The following UTRN variants were observed in gnomAD, a reference collection of about 807,000 sequenced individuals.
The protein encoded by UTRN is utrophin.
UTRN carries 283 observed loss-of-function variants against 463.9 expected under a neutral mutation model. The ratio of observed to expected loss-of-function variants is 0.61; its 90% CI spans 0.55 to 0.67. The LOEUF (loss-of-function observed/expected upper bound fraction) is 0.67. Ranked by LOEUF, UTRN falls within the 30% of genes least tolerant of loss-of-function variation. UTRN has a pLI of 0.00. For synonymous variants in UTRN, 1,442 were observed against 1,431.5 expected (o/e 1.01, Z -0.17); for missense variants, 3,922 against 4,084.3 (o/e 0.96, Z 1.08).
intron 8 of UTRN, 86 bp from the exon 9 acceptor site, chr6:144,429,495 G>A (rs1785599477): frequency 1.6e-6 from 2 of 1,266,070 alleles, no homozygotes; most frequent in Admixed American, 2.3e-5. Flanking sequence ...TGGGTACTAA[G>A]GAGAGTTATT....
intron 69 of UTRN, among the ~76,000 whole-genome samples, chr6:144,835,534 T>G (rs1393273771): frequency 2.0e-5 from 3 of 152,204 alleles, no homozygotes; most frequent in African/African-American, 7.2e-5. Context: ...AAGATATCCC[T>G]TCTGAAGTTT....
intron 50 of UTRN, among the ~76,000 whole-genome samples, chr6:144,572,459 C>G (rs1279755139): frequency 6.6e-6 from 1 of 151,996 alleles, no homozygotes; most frequent in Admixed American, 6.6e-5. Flanking sequence ...TATACATGTG[C>G]GTGGTGGTTT....
At chr6:144,518,916 A>G (rs1308151868) in intron 39 of UTRN, among the ~76,000 whole-genome samples, 1 of 152,160 alleles carries the variant, frequency 6.6e-6, no homozygotes, top group Non-Finnish European at 1.5e-5. Flanking sequence ...GGAGCTTTAA[A>G]AAAACTACAG....
chr6:144,746,494 A>T (rs1293564174), intron 54 of UTRN, among the ~76,000 whole-genome samples: 4 of 151,104 alleles, frequency 2.6e-5, no homozygotes, highest in Admixed American at 1.3e-4. Flanking sequence ...TTTTATTTTT[A>T]TTTTTTTGAG....
chr6:144,848,896 G>A (rs1024761298), intron 74 of UTRN, among the ~76,000 whole-genome samples: 4 of 152,060 alleles, frequency 2.6e-5, no homozygotes, highest in African/African-American at 9.7e-5. Context: ...CATATAGTCT[G>A]ATGATATGAG....
At chr6:144,451,548 A>T in intron 18 of UTRN, 55 bp downstream of exon 18, 2 of 1,535,766 alleles carry the variant, frequency 1.3e-6, no homozygotes, top group South Asian at 2.6e-5. Context: ...ATCATGCTGG[A>T]TTTTCTGCTG....
At chr6:144,793,746 C>T in intron 62 of UTRN, 88 bp from the exon 63 acceptor site, 1 of 1,489,198 alleles carries the variant, frequency 6.7e-7, no homozygotes, top group African/African-American at 1.4e-5. Flanking sequence ...TTTTAATCTG[C>T]ATGGTTCAGT....
intron 51 of UTRN, among the ~76,000 whole-genome samples, chr6:144,598,973 G>A (rs748720784): frequency 6.6e-6 from 1 of 152,154 alleles, no homozygotes; most frequent in African/African-American, 2.4e-5. Context: ...GGTTGTTGGA[G>A]AATTTTAAAA....
intron 57 of UTRN, among the ~76,000 whole-genome samples, chr6:144,755,588 G>A (rs144088080): frequency 1.4e-4 from 22 of 152,176 alleles, no homozygotes; most frequent in South Asian, 8.3e-4. Context: ...AAGGCATATC[G>A]AATTACACAA....
intron 2 of UTRN, among the ~76,000 whole-genome samples, chr6:144,319,257 T>C (rs977647621): frequency 1.3e-5 from 2 of 152,166 alleles, no homozygotes; most frequent in Non-Finnish European, 2.9e-5. Flanking sequence ...TGTTAAGTTG[T>C]GGGTCTGACA....
intron 33 of UTRN, among the ~76,000 whole-genome samples, chr6:144,498,590 A>G (rs1183016526): frequency 1.3e-5 from 2 of 152,014 alleles, no homozygotes; most frequent in South Asian, 2.1e-4. Flanking sequence ...ATTATAATAG[A>G]TACTAGTGAT....
intron 52 of UTRN, among the ~76,000 whole-genome samples, chr6:144,692,844 A>G (rs1783576635): frequency 6.6e-6 from 1 of 151,438 alleles, no homozygotes; most frequent in African/African-American, 2.4e-5. Context: ...CTGTATGTTT[A>G]CTCTGTTGAT....
At chr6:144,723,372 A>G (rs1328229238) in intron 53 of UTRN, among the ~76,000 whole-genome samples, 1 of 152,200 alleles carries the variant, frequency 6.6e-6, no homozygotes, top group Non-Finnish European at 1.5e-5. Context: ...CATGTTTTGT[A>G]ACATTAAATA....
At chr6:144,607,093 A>G (rs1210909596) in intron 51 of UTRN, among the ~76,000 whole-genome samples, 1 of 152,238 alleles carries the variant, frequency 6.6e-6, no homozygotes, top group Non-Finnish European at 1.5e-5. Flanking sequence ...CATTTGAATC[A>G]TTTACTAAGA....
chr6:144,765,296 TA>T (rs1793172564), intron 58 of UTRN, among the ~76,000 whole-genome samples: 2 of 152,236 alleles, frequency 1.3e-5, no homozygotes, highest in African/African-American at 4.8e-5. Context: ...AATGTTCTAG[TA>T]GTCATACATG....
At chr6:144,573,880 A>G (rs141816038) in intron 50 of UTRN, among the ~76,000 whole-genome samples, 47 of 152,310 alleles carry the variant, frequency 3.1e-4, no homozygotes, top group African/African-American at 1.0e-3. Context: ...TAAGAATGAA[A>G]CAAGATCATC....
Position 144,487,708 on chromosome 6 carries a change from G to T in UTRN, c.3972+11G>T. On this transcript the variant is annotated intron_variant, in intron 29 of 74. Coordinates refer to ENST00000367545, the MANE Select transcript of UTRN (RefSeq NM_007124.3). ...GATCTAAGTCACCTGGTAAGAGTTG[G>T]GACATACATGGGTGTTGATTAGGTA... 6.2e-7 allele frequency: 1 copy of T among 1,602,286 alleles called. No individual in the cohort carries two copies. Among genetic ancestry groups the T allele is most frequent in the East Asian group, 2.3e-5 (1 of 44,396 alleles).
intron 2 of UTRN, among the ~76,000 whole-genome samples, chr6:144,347,777 G>A (rs923152047): frequency 3.3e-5 from 5 of 151,730 alleles, no homozygotes; most frequent in African/African-American, 1.2e-4. Context: ...GTGTGAATGT[G>A]GATGTGAGGC....
chr6:144,444,149 A>G, intron 13 of UTRN, 132 bp from the exon 14 acceptor site: 2 of 704,978 alleles, frequency 2.8e-6, no homozygotes, highest in Non-Finnish European at 4.3e-6. Context: ...TTTTAAAGCA[A>G]TTTTTATAAA....
Sources: gnomAD v4.1 joint callset for allele counts (sites outside exome capture counted in the v4.1 genomes callset) on GRCh38, gnomAD v4.1.1 for gene constraint, MANE v1.5 for transcripts, NCBI Gene and HGNC (gene_info 2026-07-23, HGNC 2026-07-21) for gene names.